Variants in GABRB2 observed in about 807,000 individuals in gnomAD.
GABRB2 encodes gamma-aminobutyric acid type A receptor subunit beta2, also known as gamma-aminobutyric acid receptor subunit beta-2.
A neutral mutation model predicts 54.7 loss-of-function variants in GABRB2; 16 were observed. That is an observed-to-expected ratio of 0.29 (90% confidence interval 0.20 to 0.44). GABRB2 has a LOEUF of 0.44. Ranked by LOEUF, GABRB2 falls within the 20% of genes least tolerant of loss-of-function variation. The pLI is 1.00. For missense variants in GABRB2, 355 were observed against 644.0 expected, an observed-to-expected ratio of 0.55 and a Z score of 4.86; for synonymous variants, 244 against 233.8, an observed-to-expected ratio of 1.04 and a Z score of -0.40.
At chr5:161,450,223 C>A (rs572198601) in intron 4 of GABRB2, among the ~76,000 whole-genome samples, 1 of 152,038 alleles carries the variant, frequency 6.6e-6, no homozygotes, top group Non-Finnish European at 1.5e-5. Context: ...GCTGCCACAG[C>A]GAACTTTCAT....
intron 2 of GABRB2, among the ~76,000 whole-genome samples, chr5:161,545,658 C>T (rs1034905334): frequency 6.6e-6 from 1 of 151,732 alleles, no homozygotes; most frequent in African/African-American, 2.4e-5. Context: ...TCTTTCCCAC[C>T]CCCTTCTGTG....
chr5:161,532,132 A>G (rs1481776180), intron 3 of GABRB2, among the ~76,000 whole-genome samples: 1 of 152,174 alleles, frequency 6.6e-6, no homozygotes, highest in Non-Finnish European at 1.5e-5. Context: ...TTGGGTGGTC[A>G]AATTTTGAAT....
intron 3 of GABRB2, among the ~76,000 whole-genome samples, chr5:161,485,541 G>A (rs1265500716): frequency 6.6e-6 from 1 of 151,872 alleles, no homozygotes; most frequent in Non-Finnish European, 1.5e-5. Context: ...AGGTCTTCCA[G>A]TTATACAATG....
intron 3 of GABRB2, among the ~76,000 whole-genome samples, chr5:161,494,852 G>T (rs1759184385): frequency 6.6e-6 from 1 of 151,680 alleles, no homozygotes; most frequent in African/African-American, 2.4e-5. Context: ...ATCAACATTT[G>T]TCATAATGCT....
chr5:161,361,260 A>G (rs1479710646), intron 5 of GABRB2, among the ~76,000 whole-genome samples: 3 of 152,104 alleles, frequency 2.0e-5, no homozygotes, highest in Admixed American at 1.3e-4. Context: ...TGAATTTTCA[A>G]TGATGTTAAG....
chr5:161,500,075 A>G (rs558556850), intron 3 of GABRB2, among the ~76,000 whole-genome samples: 153 of 152,234 alleles, frequency 1.0e-3, no homozygotes, highest in African/African-American at 3.5e-3. Context: ...AAATAATTGA[A>G]TATGTTGGTT....
At chr5:161,308,470 T>C (rs252969) in intron 9 of GABRB2, among the ~76,000 whole-genome samples, 16,493 of 152,236 alleles carry the variant, frequency 0.11, 1,046 homozygotes, top group Non-Finnish European at 0.14. Flanking sequence ...TATTAAACTA[T>C]CATGGATATT....
At chr5:161,521,782 T>A (rs1467705846) in intron 3 of GABRB2, among the ~76,000 whole-genome samples, 1 of 151,924 alleles carries the variant, frequency 6.6e-6, no homozygotes, top group African/African-American at 2.4e-5. Context: ...AACCAACTTA[T>A]GGAGGTTGAT....
At chr5:161,470,319 A>G (rs1758401911) in intron 3 of GABRB2, among the ~76,000 whole-genome samples, 1 of 151,982 alleles carries the variant, frequency 6.6e-6, no homozygotes, top group Admixed American at 6.6e-5. Flanking sequence ...ACACGTATCA[A>G]GACCCCCATT....
At chr5:161,387,984 T>G (rs181307691) in intron 5 of GABRB2, among the ~76,000 whole-genome samples, 54 of 151,148 alleles carry the variant, frequency 3.6e-4, no homozygotes, top group African/African-American at 1.3e-3. Flanking sequence ...AAAGACAAAG[T>G]AAAAAAAAAT....
intron 3 of GABRB2, among the ~76,000 whole-genome samples, chr5:161,487,887 C>T (rs1022894659): frequency 2.4e-4 from 36 of 151,758 alleles, no homozygotes; most frequent in African/African-American, 6.5e-4. Flanking sequence ...CCCATGAGTT[C>T]GAAGAAGAGT....
At chr5:161,521,965 T>C (rs934477468) in intron 3 of GABRB2, among the ~76,000 whole-genome samples, 3 of 151,896 alleles carry the variant, frequency 2.0e-5, no homozygotes, top group Non-Finnish European at 4.4e-5. Context: ...TCAGAGAAGA[T>C]TGAGTTGCCT....
intron 4 of GABRB2, among the ~76,000 whole-genome samples, chr5:161,453,035 T>G (rs1757837932): frequency 6.6e-6 from 1 of 152,236 alleles, no homozygotes. Context: ...ATCATTTTTC[T>G]TTAAACTATT....
chr5:161,296,818 C>T (rs1400415881), intron 9 of GABRB2, among the ~76,000 whole-genome samples: 1 of 152,188 alleles, frequency 6.6e-6, no homozygotes, highest in Admixed American at 6.5e-5. Context: ...AAAGATTGTA[C>T]TTATGGCTCT....
chr5:161,521,844 A>T (rs979063378), intron 3 of GABRB2, among the ~76,000 whole-genome samples: 1 of 151,904 alleles, frequency 6.6e-6, no homozygotes, highest in Non-Finnish European at 1.5e-5. Flanking sequence ...TCAACAAAGC[A>T]GGTAAACCAA....
intron 4 of GABRB2, among the ~76,000 whole-genome samples, chr5:161,430,091 C>T (rs980237351): frequency 2.6e-5 from 4 of 152,060 alleles, no homozygotes; most frequent in African/African-American, 9.7e-5. Flanking sequence ...TTGATAAAAT[C>T]TGGAATTTGT....
chr5:161,518,599 T>C (rs565378939), intron 3 of GABRB2, among the ~76,000 whole-genome samples: 47 of 152,342 alleles, frequency 3.1e-4, no homozygotes, highest in African/African-American at 1.1e-3. Context: ...TACTAGACTA[T>C]AAAATTATTC....
chr5:161,519,276 A>G (rs774582970), intron 3 of GABRB2, among the ~76,000 whole-genome samples: 2 of 152,214 alleles, frequency 1.3e-5, no homozygotes, highest in Non-Finnish European at 2.9e-5. Context: ...GCTTTTCATT[A>G]TGTTCATCTC....
Position 161,289,062 on chromosome 5 carries a change from G to A in GABRB2, c.*5019C>T, listed in dbSNP as rs1223456153. On this transcript the variant is annotated 3_prime_UTR_variant, in exon 10 of 10. Transcript: ENST00000393959. ...GTGACACGGCAGTGACATTTGGTTT[G>A]GGAACTCAAAGGACATACAGTTTTG... The A allele has an allele frequency of 6.6e-6, 1 of 152,048 alleles. No homozygotes were observed. The highest frequency in any genetic ancestry group is 1.5e-5 in the Non-Finnish European group (1 of 67,990). 9.4% of individuals were successfully genotyped at this position (152,048 alleles called of 1,614,324 possible).
Sources: gnomAD v4.1 joint callset for allele counts (sites outside exome capture counted in the v4.1 genomes callset) on GRCh38, gnomAD v4.1.1 for gene constraint, MANE v1.5 for transcripts, NCBI Gene and HGNC (gene_info 2026-07-23, HGNC 2026-07-21) for gene names.